The following CSMD3 variants were observed in gnomAD, a reference collection of about 807,000 sequenced individuals.
The protein encoded by CSMD3 is CUB and Sushi multiple domains 3.
In CSMD3, 177 loss-of-function variants were observed where a neutral mutation model predicts 435.2. The observed-to-expected ratio is 0.41, with a 90% CI of 0.36 to 0.46. CSMD3 has a LOEUF of 0.46. CSMD3 is among the 20% of genes least tolerant of loss of function. The probability of loss-of-function intolerance (pLI) is 0.34; values close to 1 mark genes in which losing one functional copy is unlikely to be tolerated. For synonymous variants in CSMD3, 1,656 were observed against 1,520.5 expected, an observed-to-expected ratio of 1.09 and a Z score of -2.07; for missense variants, 4,265 against 4,504.6, an observed-to-expected ratio of 0.95 and a Z score of 1.52.
At chr8:112,231,458 G>T in intron 69 of CSMD3, 87 bp downstream of exon 69, 1 of 845,262 alleles carries the variant, frequency 1.2e-6, no homozygotes, top group Non-Finnish European at 2.1e-6. Flanking sequence ...TGCAGTAAGT[G>T]TACCTAATGT....
At position 113,428,021 on chromosome 8, in the gene CSMD3, T is replaced by C. The variant is rs899271878; in HGVS notation, c.178+8656A>G. Among the ~76,000 whole-genome samples the C allele has an allele frequency of 1.3e-5, 2 of 151,754 alleles. 1 individual carries two copies. The highest frequency in any genetic ancestry group is 3.0e-5 in the Non-Finnish European group (2 of 67,654). ...TACTTAATGTGCTAGTTTTATATTT[T>C]ATAGTGTCATATTTAACATATGTAT... On this transcript the variant is annotated intron_variant, in intron 1 of 70. Coordinates refer to ENST00000297405, the MANE Select transcript of CSMD3 (RefSeq NM_198123.2).
chr8:113,067,782 T>A (rs1482401397), intron 5 of CSMD3, among the ~76,000 whole-genome samples: 3 of 151,896 alleles, frequency 2.0e-5, no homozygotes, highest in East Asian at 3.9e-4. Context: ...AAGAAAAGAG[T>A]GCTAGCAGTG....
intron 31 of CSMD3, among the ~76,000 whole-genome samples, chr8:112,492,186 C>T (rs1025083800): frequency 3.9e-5 from 6 of 152,094 alleles, no homozygotes; most frequent in Non-Finnish European, 8.8e-5. Context: ...GAGCACCTAA[C>T]GTTTTCAGGT....
chr8:113,332,933 A>T (rs2094039382), intron 1 of CSMD3, among the ~76,000 whole-genome samples: 1 of 151,780 alleles, frequency 6.6e-6, no homozygotes, highest in African/African-American at 2.4e-5. Context: ...AGATGGACAT[A>T]AGATTAATTG....
intron 3 of CSMD3, among the ~76,000 whole-genome samples, chr8:113,223,803 C>A (rs1588309519): frequency 6.8e-6 from 1 of 147,008 alleles, no homozygotes. Context: ...ATTCATGTAT[C>A]TGTGTGTTGT....
chr8:112,835,076 A>C (rs991656669), intron 11 of CSMD3, among the ~76,000 whole-genome samples: 8 of 151,886 alleles, frequency 5.3e-5, no homozygotes, highest in Non-Finnish European at 1.2e-4. Context: ...TTGAATTAAA[A>C]CATTTAATCT....
At chr8:113,149,759 T>C (rs994404738) in intron 4 of CSMD3, among the ~76,000 whole-genome samples, 1 of 151,912 alleles carries the variant, frequency 6.6e-6, no homozygotes. Context: ...TTTTCACATA[T>C]GCTATCCCTC....
chr8:112,244,305 A>G (rs568100266), intron 65 of CSMD3, 89 bp downstream of exon 65: 34 of 1,093,470 alleles, frequency 3.1e-5, no homozygotes, highest in East Asian at 1.2e-4. Context: ...CCTTGTTCCT[A>G]TGCTAATTTG....
intron 11 of CSMD3, among the ~76,000 whole-genome samples, chr8:112,838,822 T>C (rs995742677): frequency 6.6e-6 from 1 of 151,768 alleles, no homozygotes; most frequent in Non-Finnish European, 1.5e-5. Context: ...TAAGTAATAA[T>C]CATCCTAAAT....
At chr8:112,633,547 T>G (rs1487788141) in intron 22 of CSMD3, among the ~76,000 whole-genome samples, 2 of 152,104 alleles carry the variant, frequency 1.3e-5, no homozygotes, top group Non-Finnish European at 2.9e-5. Context: ...AATGGCCATA[T>G]TATGGTATTA....
At chr8:112,749,164 C>T (rs1267643874) in intron 13 of CSMD3, among the ~76,000 whole-genome samples, 2 of 152,046 alleles carry the variant, frequency 1.3e-5, no homozygotes, top group East Asian at 3.9e-4. Context: ...TGTTCAAGTC[C>T]TTTGCCCACT....
intron 12 of CSMD3, 136 bp downstream of exon 12, chr8:112,829,550 G>C (rs1473385893): frequency 1.4e-6 from 1 of 699,438 alleles, no homozygotes; most frequent in Non-Finnish European, 2.6e-6. Flanking sequence ...TTCTATGAAA[G>C]TTAACAATAA....
intron 4 of CSMD3, among the ~76,000 whole-genome samples, chr8:113,113,959 T>C (rs534331293): frequency 6.6e-6 from 1 of 152,272 alleles, no homozygotes; most frequent in East Asian, 1.9e-4. Flanking sequence ...AATCATCATA[T>C]ACATGGAGGA....
At position 112,289,504 on chromosome 8, in the gene CSMD3, A is replaced by G. The variant is rs745990557; in HGVS notation, c.9009T>C (p.Asn3003=). The G allele has an allele frequency of 9.9e-6, 16 of 1,612,770 alleles. No individual in the cohort carries two copies. The African/African-American group carries it at 1.6e-4, about 16-fold the overall frequency. Residue 3003 remains asparagine, a synonymous_variant, in exon 57 of 71, where the codon AAT becomes AAC. Transcript: ENST00000297405. ...TATACTTCTCGCCAGACAGGACTGC[A>G]TTAGGAGGAACGCCAGGGTGTCCAC... The part of the protein sequence containing the change: ...IDCGHPGVPP[N]AVLSGEKYTF...
chr8:112,383,491 T>C, intron 37 of CSMD3, 76 bp downstream of exon 37: 1 of 809,982 alleles, frequency 1.2e-6, no homozygotes, highest in Non-Finnish European at 2.1e-6. Context: ...CAAGTAAGAG[T>C]TGTAGATAGC....
At chr8:112,683,184 A>T (rs998311631) in intron 15 of CSMD3, among the ~76,000 whole-genome samples, 4 of 151,964 alleles carry the variant, frequency 2.6e-5, no homozygotes, top group Non-Finnish European at 4.4e-5. Context: ...AAAGGAAGAG[A>T]GTTAATTCTT....
intron 4 of CSMD3, among the ~76,000 whole-genome samples, chr8:113,155,879 T>G (rs1412374112): frequency 6.6e-6 from 1 of 152,052 alleles, no homozygotes; most frequent in Non-Finnish European, 1.5e-5. Flanking sequence ...GGCAGAGATA[T>G]GCAGGCAATA....
At chr8:112,535,422 T>C (rs1204473189) in intron 27 of CSMD3, among the ~76,000 whole-genome samples, 3 of 151,458 alleles carry the variant, frequency 2.0e-5, no homozygotes, top group African/African-American at 4.8e-5. Flanking sequence ...CCATTCACAA[T>C]TGCTTCAAAG....
chr8:112,964,963 G>A (rs1396156332), intron 7 of CSMD3, among the ~76,000 whole-genome samples: 1 of 151,952 alleles, frequency 6.6e-6, no homozygotes, highest in Admixed American at 6.6e-5. Context: ...GATTAGTTGT[G>A]TGGTTTCACT....
Sources: allele counts gnomAD v4.1 joint callset (sites outside exome capture counted in the v4.1 genomes callset), GRCh38; gene constraint gnomAD v4.1.1; transcripts MANE v1.5; gene names NCBI Gene and HGNC (gene_info 2026-07-23, HGNC 2026-07-21).